CACNA1C: variants seen among roughly 807,000 people sequenced by gnomAD.
CACNA1C encodes the protein calcium voltage-gated channel subunit alpha1 C.
Under a neutral mutation model 229.0 loss-of-function variants are expected in CACNA1C, and 30 were observed. That is an observed-to-expected ratio of 0.13 (90% CI 0.10 to 0.18). The LOEUF (loss-of-function observed/expected upper bound fraction) is 0.18. CACNA1C is among the 10% of genes least tolerant of loss of function. The probability of loss-of-function intolerance (pLI) is 1.00; values close to 1 mark genes in which losing one functional copy is unlikely to be tolerated. For synonymous variants in CACNA1C, 1,114 were observed against 1,132.5 expected, an observed-to-expected ratio of 0.98 and a Z score of 0.33; for missense variants, 1,658 against 2,845.0, an observed-to-expected ratio of 0.58 and a Z score of 9.49.
At chr12:2,172,325 T>G (rs1318958191) in intron 3 of CACNA1C, among the ~76,000 whole-genome samples, 1 of 152,202 alleles carries the variant, frequency 6.6e-6, no homozygotes, top group African/African-American at 2.4e-5. Flanking sequence ...TGCTGTAATG[T>G]CAGTTTAAAA....
chr12:2,312,385 C>T (rs909973633), intron 3 of CACNA1C, among the ~76,000 whole-genome samples: 3 of 152,102 alleles, frequency 2.0e-5, no homozygotes, highest in Non-Finnish European at 4.4e-5. Context: ...TAGTTGTTGC[C>T]GGTTCCTCCC....
At chr12:2,408,219 G>A (rs2098760790) in intron 3 of CACNA1C, among the ~76,000 whole-genome samples, 1 of 152,226 alleles carries the variant, frequency 6.6e-6, no homozygotes. Flanking sequence ...GAGTAGAATT[G>A]TAGTTTCCAG....
intron 3 of CACNA1C, among the ~76,000 whole-genome samples, chr12:2,329,774 C>T (rs1210519203): frequency 6.6e-6 from 1 of 152,164 alleles, no homozygotes; most frequent in Non-Finnish European, 1.5e-5. Context: ...AGACAAAAAA[C>T]AAGTGGCAGC....
chr12:2,044,242 CT>C (rs2050693461), intron 1 of CACNA1C, among the ~76,000 whole-genome samples: 2 of 152,182 alleles, frequency 1.3e-5, no homozygotes, highest in African/African-American at 4.8e-5. Context: ...GGCAGAGGTA[CT>C]TCAGCTGGGT....
Position 2,607,101 on chromosome 12 carries a change from C to T in CACNA1C, c.3327C>T (p.Phe1109=), listed in dbSNP as rs2075712869. The T allele has an allele frequency of 1.9e-6, 3 of 1,613,740 alleles. No individual in the cohort carries two copies. The highest frequency in any genetic ancestry group is 8.5e-7 in the Non-Finnish European group (1 of 1,179,796). The part of the protein sequence containing the change: ...DNVLAAMMAL[F]TVSTFEGWPE... ...TTCTGGCAGCCATGATGGCCCTCTT[C>T]ACCGTCTCCACCTTCGAAGGGTGGC... is the stretch of plus-strand genomic sequence containing the variant. The change falls in exon 26 of 47, where the codon TTC becomes TTT. Residue 1109 remains phenylalanine (F), a synonymous_variant. Coordinates refer to ENST00000399655, the MANE Select transcript of CACNA1C (RefSeq NM_000719.7).
intron 3 of CACNA1C, among the ~76,000 whole-genome samples, chr12:2,201,830 T>A (rs1277273030): frequency 6.6e-6 from 1 of 152,184 alleles, no homozygotes; most frequent in Non-Finnish European, 1.5e-5. Context: ...GCTGGCCAGA[T>A]ATCTCTTTAG....
chr12:2,204,471 T>C (rs4765903), intron 3 of CACNA1C, among the ~76,000 whole-genome samples: 49,353 of 148,392 alleles, frequency 0.33, 8,742 homozygotes, highest in Non-Finnish European at 0.38. Context: ...ATAAATCATG[T>C]TGCTATAAAG....
chr12:2,377,114 G>A (rs2098095690), intron 3 of CACNA1C, among the ~76,000 whole-genome samples: 1 of 152,152 alleles, frequency 6.6e-6, no homozygotes, highest in Admixed American at 6.5e-5. Context: ...GGGGCCTGGA[G>A]GAGAAGGAAG....
chr12:2,040,366 C>T (rs561475267), intron 1 of CACNA1C, among the ~76,000 whole-genome samples: 2 of 152,222 alleles, frequency 1.3e-5, no homozygotes, highest in South Asian at 4.1e-4. Context: ...AATAATGTAG[C>T]TGATCTAACT....
rs867079498 is a variant in CACNA1C at position 2,105,601 on chromosome 12, C to T, written c.50-9623C>T. Among the ~76,000 whole-genome samples, 1,175 of 149,368 alleles carry T rather than the reference C, an allele frequency of 7.9e-3. 18 individuals carry two copies. The highest frequency in any genetic ancestry group is 0.029 in the African/African-American group (1,119 of 39,218). On this transcript the variant is annotated intron_variant, in intron 1 of 46. Transcript: ENST00000399655. ...CCCACCCCGGGGAGGGTTTCCACCT[C>T]AGCTGGGCGTCCTGAAGCCACTGGG...
intron 11 of CACNA1C, among the ~76,000 whole-genome samples, chr12:2,561,770 C>T (rs1294217720): frequency 1.3e-5 from 2 of 152,174 alleles, no homozygotes; most frequent in South Asian, 2.1e-4. Flanking sequence ...GAGACCCATT[C>T]GTATCCATCC....
intron 8 of CACNA1C, among the ~76,000 whole-genome samples, chr12:2,506,218 G>A (rs986184789): frequency 3.3e-5 from 5 of 152,134 alleles, no homozygotes; most frequent in African/African-American, 1.2e-4. Context: ...GCAGAACAAC[G>A]TAAGTCCCTG....
chr12:2,372,441 C>G (rs880342), intron 3 of CACNA1C, among the ~76,000 whole-genome samples: 1 of 151,874 alleles, frequency 6.6e-6, no homozygotes, highest in African/African-American at 2.4e-5. Context: ...CAGGTTGACT[C>G]GTTGCACCTT....
chr12:2,176,694 G>A (rs61909094), intron 3 of CACNA1C, among the ~76,000 whole-genome samples: 3,488 of 152,164 alleles, frequency 0.023, 90 homozygotes, highest in Non-Finnish European at 0.028. Context: ...ATTCTCGAGC[G>A]CTTCAGGACA....
intron 3 of CACNA1C, among the ~76,000 whole-genome samples, chr12:2,301,785 A>G (rs1232438652): frequency 6.6e-6 from 1 of 151,980 alleles, no homozygotes; most frequent in African/African-American, 2.4e-5. Context: ...CAAGCCCCAG[A>G]CTCTGAAAGG....
intron 1 of CACNA1C, among the ~76,000 whole-genome samples, chr12:2,057,938 T>A (rs1203520060): frequency 6.6e-6 from 1 of 152,170 alleles, no homozygotes; most frequent in African/African-American, 2.4e-5. Flanking sequence ...CTAACTTTAA[T>A]AGGGAAAAGA....
chr12:2,009,980 GA>G (rs79684069), intron 1 of CACNA1C, among the ~76,000 whole-genome samples: 23,337 of 151,660 alleles, frequency 0.15, 1,898 homozygotes, highest in East Asian at 0.21. Flanking sequence ...ACTGCAAATA[GA>G]AAAAAAACCC....
chr12:2,076,515 CT>C (rs2063258492), intron 1 of CACNA1C, among the ~76,000 whole-genome samples: 1 of 152,036 alleles, frequency 6.6e-6, no homozygotes, highest in Admixed American at 6.6e-5. Context: ...TACCTCCCCC[CT>C]CCCTTCCTCC....
chr12:2,070,845 TTC>T (rs2060916410), intron 1 of CACNA1C, among the ~76,000 whole-genome samples: 1 of 152,010 alleles, frequency 6.6e-6, no homozygotes, highest in Non-Finnish European at 1.5e-5. Context: ...TTTTCTTTCT[TTC>T]TCTCTTCCTT....
Sources: gnomAD v4.1 joint callset for allele counts (sites outside exome capture counted in the v4.1 genomes callset) on GRCh38, gnomAD v4.1.1 for gene constraint, MANE v1.5 for transcripts, NCBI Gene and HGNC (gene_info 2026-07-23, HGNC 2026-07-21) for gene names.